Variants in GRM5 observed in about 807,000 individuals in gnomAD.
The protein encoded by GRM5 is metabotropic glutamate receptor 5.
A neutral mutation model predicts 83.1 loss-of-function variants in GRM5; 19 were observed. That is an observed-to-expected ratio of 0.23 (90% CI 0.16 to 0.34). The LOEUF is 0.34. Among genes scored for constraint, GRM5 ranks in the 10% least tolerant of loss-of-function variants. The pLI is 1.00. For missense variants in GRM5, 1,160 were observed against 1,588.3 expected (o/e 0.73, Z 4.58); for synonymous variants, 675 against 633.6 (o/e 1.07, Z -0.98).
Position 88,845,423 on chromosome 11 carries a change from C to CTTTTTTTTTTTTTTTTTTTTTTT in GRM5, c.911+4460_911+4482dup, listed in dbSNP as rs71046265. 1.5e-4 allele frequency among the ~76,000 whole-genome samples: 14 copies of CTTTTTTTTTTTTTTTTTTTTTTT among 92,442 alleles called. 4 individuals carry two copies. Among genetic ancestry groups the CTTTTTTTTTTTTTTTTTTTTTTT allele is most frequent in the African/African-American group, 4.0e-4 (9 of 22,228 alleles). 60.6% of individuals were successfully genotyped at this position (92,442 alleles called of 152,430 possible). ...AGGCTACAGTACAGTATAAACATAA[C>CTTTTTTTTTTTTTTTTTTTTTTT]TTTTTTTTTTTTTTTTTTTTTTTTT... is the stretch of plus-strand genomic sequence containing the variant. On this transcript the variant is annotated intron_variant, in intron 3 of 9. Transcript: ENST00000305447.
intron 8 of GRM5, among the ~76,000 whole-genome samples, chr11:88,540,925 T>C (rs1480437066): frequency 6.6e-6 from 1 of 151,108 alleles, no homozygotes; most frequent in East Asian, 1.9e-4. Context: ...TTTTTTTTTG[T>C]ATTTTTAGTA....
chr11:88,797,300 C>T (rs915905505), intron 3 of GRM5, among the ~76,000 whole-genome samples: 2 of 152,084 alleles, frequency 1.3e-5, no homozygotes, highest in Non-Finnish European at 2.9e-5. Flanking sequence ...CAGGCATGCA[C>T]CACCACGCTC....
chr11:88,907,109 G>C (rs577581930), intron 2 of GRM5, among the ~76,000 whole-genome samples: 3 of 151,342 alleles, frequency 2.0e-5, no homozygotes, highest in African/African-American at 7.3e-5. Flanking sequence ...TGACACCTTG[G>C]GTAGATTATT....
chr11:88,514,892 C>G (rs1941481553), intron 9 of GRM5, among the ~76,000 whole-genome samples: 1 of 152,010 alleles, frequency 6.6e-6, no homozygotes, highest in South Asian at 2.1e-4. Flanking sequence ...CTAATCCCAA[C>G]TCCTCCAACA....
intron 3 of GRM5, among the ~76,000 whole-genome samples, chr11:88,776,601 G>A (rs887848282): frequency 2.0e-5 from 3 of 152,142 alleles, no homozygotes; most frequent in Non-Finnish European, 2.9e-5. Context: ...CATGTTTAGT[G>A]CTTCCTGCGG....
intron 9 of GRM5, among the ~76,000 whole-genome samples, chr11:88,520,832 T>G (rs1941660852): frequency 1.3e-5 from 2 of 152,186 alleles, no homozygotes; most frequent in African/African-American, 4.8e-5. Context: ...CTCCAAGCCT[T>G]TATTAAACAT....
chr11:88,872,491 A>T (rs1196892117), intron 2 of GRM5, among the ~76,000 whole-genome samples: 1 of 151,564 alleles, frequency 6.6e-6, no homozygotes, highest in East Asian at 1.9e-4. Context: ...AATATTTAAA[A>T]ATATATAAAT....
At chr11:88,596,083 C>T (rs1937796811) in intron 6 of GRM5, among the ~76,000 whole-genome samples, 1 of 152,166 alleles carries the variant, frequency 6.6e-6, no homozygotes. Flanking sequence ...ATCGCTTTTT[C>T]TCTAAAGCCA....
intron 2 of GRM5, among the ~76,000 whole-genome samples, chr11:89,003,542 G>A (rs185773034): frequency 1.3e-5 from 2 of 152,262 alleles, no homozygotes; most frequent in East Asian, 3.9e-4. Context: ...AGATGGCCTG[G>A]AGAACTCTAA....
At chr11:88,929,706 G>T (rs192202114) in intron 2 of GRM5, among the ~76,000 whole-genome samples, 4,325 of 152,162 alleles carry the variant, frequency 0.028, 79 homozygotes, top group Non-Finnish European at 0.041. Context: ...GTAACAATAT[G>T]AAATTAAATG....
At chr11:88,641,567 T>C (rs773986678) in intron 4 of GRM5, among the ~76,000 whole-genome samples, 5 of 152,092 alleles carry the variant, frequency 3.3e-5, no homozygotes, top group East Asian at 1.9e-4. Flanking sequence ...TAAAATCACA[T>C]AAGTTATTTA....
intron 7 of GRM5, among the ~76,000 whole-genome samples, chr11:88,583,050 T>C (rs1469856201): frequency 1.3e-5 from 2 of 151,716 alleles, no homozygotes; most frequent in African/African-American, 4.8e-5. Flanking sequence ...AAGATAGTTA[T>C]AATAATTGGA....
chr11:88,552,643 C>T (rs371525234), intron 8 of GRM5, among the ~76,000 whole-genome samples: 125 of 152,244 alleles, frequency 8.2e-4, no homozygotes, highest in Middle Eastern at 6.8e-3. Context: ...GGTCGACTGA[C>T]TGCTGGGGAC....
intron 6 of GRM5, among the ~76,000 whole-genome samples, chr11:88,596,709 T>C (rs1937816527): frequency 6.6e-6 from 1 of 152,112 alleles, no homozygotes; most frequent in Non-Finnish European, 1.5e-5. Context: ...TATAGTCCTC[T>C]TCTTTTCTTT....
intron 3 of GRM5, among the ~76,000 whole-genome samples, chr11:88,660,991 C>G (rs923382955): frequency 1.3e-5 from 2 of 152,146 alleles, no homozygotes; most frequent in African/African-American, 4.8e-5. Context: ...ATTCACTGAA[C>G]AAGTATTGTG....
At chr11:88,830,197 A>C (rs964836711) in intron 3 of GRM5, among the ~76,000 whole-genome samples, 1 of 152,082 alleles carries the variant, frequency 6.6e-6, no homozygotes, top group South Asian at 2.1e-4. Context: ...GACATATTGC[A>C]AAGCATCAAA....
chr11:89,036,883 C>G (rs1177029885), intron 2 of GRM5, among the ~76,000 whole-genome samples: 1 of 152,120 alleles, frequency 6.6e-6, no homozygotes, highest in Non-Finnish European at 1.5e-5. Flanking sequence ...AAAGCACACT[C>G]TCATATATTA....
chr11:88,729,082 T>G (rs1289373484), intron 3 of GRM5, among the ~76,000 whole-genome samples: 1 of 152,186 alleles, frequency 6.6e-6, no homozygotes, highest in African/African-American at 2.4e-5. Flanking sequence ...GAAGTAAAAT[T>G]GTCTCTGTTT....
At chr11:89,056,664 G>C (rs1289932465) in intron 1 of GRM5, among the ~76,000 whole-genome samples, 1 of 152,132 alleles carries the variant, frequency 6.6e-6, no homozygotes, top group Non-Finnish European at 1.5e-5. Context: ...TTATCCTGTA[G>C]ATAATGGGGA....
Sources: allele counts gnomAD v4.1 joint callset (sites outside exome capture counted in the v4.1 genomes callset), GRCh38; gene constraint gnomAD v4.1.1; transcripts MANE v1.5; gene names NCBI Gene and HGNC (gene_info 2026-07-23, HGNC 2026-07-21).